VPS33A: variants seen among roughly 807,000 people sequenced by gnomAD.
VPS33A encodes the protein vacuolar protein sorting-associated protein 33A.
VPS33A carries 32 observed loss-of-function variants against 71.8 expected under a neutral mutation model. The observed-to-expected ratio is 0.45, with a 90% CI of 0.34 to 0.60. VPS33A has a LOEUF of 0.60. VPS33A is among the 20% of genes least tolerant of loss of function. The probability of loss-of-function intolerance (pLI) is 0.02; values close to 1 mark genes in which losing one functional copy is unlikely to be tolerated. For missense variants in VPS33A, 625 were observed against 748.5 expected (o/e 0.84, Z 1.92); for synonymous variants, 311 against 292.7 (o/e 1.06, Z -0.64).
intron 8 of VPS33A, 97 bp from the exon 9 acceptor site, chr12:122,240,042 A>G (rs1954692197): frequency 1.0e-6 from 1 of 959,648 alleles, no homozygotes; most frequent in Non-Finnish European, 1.6e-6. Flanking sequence ...GAAACTAGAC[A>G]TGTGGCTGGG....
intron 9 of VPS33A, among the ~76,000 whole-genome samples, 185 bp downstream of exon 9, chr12:122,239,693 T>A (rs1954684871): frequency 7.8e-6 from 1 of 128,028 alleles, no homozygotes; most frequent in Admixed American, 1.0e-4. Flanking sequence ...ATGGCGCCAC[T>A]GCACTCCAGC....
Position 122,264,158 on chromosome 12 carries a change from C to A in VPS33A, c.144G>T (p.Leu48=), listed in dbSNP as rs762651896. ...WDEYLTGPFG[L]IAQYSLLKEH... Reference sequence around the variant, plus strand: ...CCTTCAATAGTGAATACTGTGCAATCAGGCCAAAGGGTCCAGTTAGGTATT... The same window carrying A: ...CCTTCAATAGTGAATACTGTGCAATAAGGCCAAAGGGTCCAGTTAGGTATT... Residue 48 remains leucine, a synonymous_variant, in exon 2 of 13, where the codon CTG becomes CTT. Transcript: ENST00000267199. 2.6e-5 allele frequency: 40 copies of A among 1,563,024 alleles called. No individual in the cohort carries two copies. Among genetic ancestry groups the A allele is most frequent in the Non-Finnish European group, 3.4e-5 (39 of 1,145,686 alleles).
intron 1 of VPS33A, chr12:122,265,563 T>A: frequency 3.5e-6 from 1 of 285,602 alleles, no homozygotes; most frequent in Non-Finnish European, 7.5e-6. Context: ...TCAGCATCCT[T>A]TTCTGAATTG....
intron 7 of VPS33A, among the ~76,000 whole-genome samples, chr12:122,243,493 C>A (rs1856358617): frequency 1.3e-5 from 2 of 152,242 alleles, no homozygotes; most frequent in Non-Finnish European, 1.5e-5. Context: ...CCTGCCTCAG[C>A]CTCCGACAGT....
At chr12:122,239,983 A>AC in intron 8 of VPS33A, 38 bp from the exon 9 acceptor site, 6 of 1,487,496 alleles carry the variant, frequency 4.0e-6, no homozygotes, top group Non-Finnish European at 4.7e-6. Flanking sequence ...TTAGAAATTA[A>AC]ATGTTAATTT....
chr12:122,255,777 G>A (rs904573273), intron 4 of VPS33A, among the ~76,000 whole-genome samples: 1 of 148,482 alleles, frequency 6.7e-6, no homozygotes, highest in Non-Finnish European at 1.5e-5. Context: ...TGGTGCCACT[G>A]ACTTCTACTG....
In VPS33A at chr12:122,261,149, C is replaced by A; in HGVS notation, c.483+112G>T. 3 of 908,642 alleles carry A rather than the reference C, an allele frequency of 3.3e-6. No homozygotes were observed. The South Asian group carries it at 6.7e-5, about 20-fold the overall frequency. The allele number at this position is 908,642 out of a possible 1,614,324, so 56.3% of individuals were successfully genotyped here. A position where few individuals can be genotyped will look rare whatever the true frequency, so the allele number is the denominator to read the frequency against. On this transcript the variant is annotated intron_variant, in intron 4 of 12. Coordinates refer to ENST00000267199, the MANE Select transcript of VPS33A (RefSeq NM_022916.6). ...TTGTTGAACAGAAAATCTTAAACATCAATAAACATATAAAATGGGACTCAG... is the reference window on the plus strand; with the variant it reads ...TTGTTGAACAGAAAATCTTAAACATAAATAAACATATAAAATGGGACTCAG...
intron 4 of VPS33A, among the ~76,000 whole-genome samples, chr12:122,256,621 C>T (rs956071320): frequency 2.0e-5 from 3 of 151,816 alleles, no homozygotes; most frequent in East Asian, 1.9e-4. Flanking sequence ...GCAGCAGCAG[C>T]GGCACCAGCA....
Position 122,232,223 on chromosome 12 carries a change from T to C in VPS33A, c.*23A>G. 2 of 1,594,988 alleles carry C rather than the reference T, an allele frequency of 1.3e-6. No homozygotes were observed. Among genetic ancestry groups the C allele is most frequent in the South Asian group, 1.1e-5 (1 of 87,906 alleles). On this transcript the variant is annotated 3_prime_UTR_variant, in exon 13 of 13. Transcript: ENST00000267199. ...AGAGGTAGTTTATTCTGCAGTACAC[T>C]TGTTAAGTCTCCTCTGAACATCCTA... is the stretch of plus-strand genomic sequence containing the variant.
chr12:122,263,924 C>T (rs1955032692), intron 2 of VPS33A, among the ~76,000 whole-genome samples: 1 of 152,192 alleles, frequency 6.6e-6, no homozygotes, highest in Admixed American at 6.5e-5. Flanking sequence ...CTATCAAAGA[C>T]ACCAGGAAAT....
chr12:122,253,519 C>T, intron 4 of VPS33A: 1 of 147,448 alleles, frequency 6.8e-6, no homozygotes, highest in Middle Eastern at 7.0e-4. Flanking sequence ...TGCCACTGCA[C>T]TCCAGCCGGG....
chr12:122,237,565 C>G lies in VPS33A; in HGVS notation c.1302+1022G>C, dbSNP rs1400048117. Among the ~76,000 whole-genome samples, 6 of 127,970 alleles carry G rather than the reference C, an allele frequency of 4.7e-5. No homozygotes were observed. In the East Asian group the frequency reaches 1.1e-3, roughly 24 times the overall value. 84.0% of individuals were successfully genotyped at this position (127,970 alleles called of 152,430 possible). On this transcript the variant is annotated intron_variant, in intron 10 of 12. Transcript: ENST00000267199. Reference sequence around the variant, plus strand: ...TTTTTTTTTTTTTTTGAGACGGAGTCTCGCTCTGTCGCCCAGGCCGGACTG... The same window carrying G: ...TTTTTTTTTTTTTTTGAGACGGAGTGTCGCTCTGTCGCCCAGGCCGGACTG...
chr12:122,258,986 C>CAAAA (rs749562489), intron 4 of VPS33A, among the ~76,000 whole-genome samples: 1 of 53,168 alleles, frequency 1.9e-5, no homozygotes, highest in Non-Finnish European at 4.6e-5. Context: ...CAATCCATCT[C>CAAAA]AAAAAAAAAA....
chr12:122,243,163 A>G (rs1402682638), intron 7 of VPS33A, among the ~76,000 whole-genome samples: 3 of 152,172 alleles, frequency 2.0e-5, no homozygotes, highest in Non-Finnish European at 4.4e-5. Context: ...GTAAAAAACT[A>G]AGACAAAAAA....
intron 8 of VPS33A, among the ~76,000 whole-genome samples, chr12:122,240,332 G>A (rs544433227): frequency 1.3e-5 from 2 of 152,024 alleles, no homozygotes; most frequent in East Asian, 3.9e-4. Flanking sequence ...TGTCTCAAAA[G>A]AAAAGAAACC....
At chr12:122,266,072 C>G (rs957515781) in intron 1 of VPS33A, among the ~76,000 whole-genome samples, 10 of 152,232 alleles carry the variant, frequency 6.6e-5, no homozygotes, top group African/African-American at 1.9e-4. Context: ...ATCACAGTGG[C>G]TTACTCTGCT....
chr12:122,239,450 A>C (rs1410145795), intron 9 of VPS33A, among the ~76,000 whole-genome samples: 1 of 152,096 alleles, frequency 6.6e-6, no homozygotes, highest in African/African-American at 2.4e-5. Context: ...AAAAATATTT[A>C]AGTGGCCGGG....
rs766654732 is a variant in VPS33A at position 122,266,459 on chromosome 12, T to A, written c.-51A>T. 1.3e-6 allele frequency: 2 copies of A among 1,582,738 alleles called. No homozygotes were observed. The highest frequency in any genetic ancestry group is 2.7e-5 in the African/African-American group (2 of 74,168). On this transcript the variant is annotated 5_prime_UTR_variant, in exon 1 of 13. Coordinates refer to ENST00000267199, the MANE Select transcript of VPS33A (RefSeq NM_022916.6). ...AACGCCAACCGAGTCCGCCGGTTCC[T>A]ACGGGAGGACCACGGACGCAGTCAC...
At chr12:122,239,640 A>G (rs992223003) in intron 9 of VPS33A, among the ~76,000 whole-genome samples, 6 of 151,060 alleles carry the variant, frequency 4.0e-5, no homozygotes, top group Non-Finnish European at 8.9e-5. Context: ...AGGCTGAGGC[A>G]GAATGGCGTC....
Sources: gnomAD v4.1 joint callset for allele counts (sites outside exome capture counted in the v4.1 genomes callset) on GRCh38, gnomAD v4.1.1 for gene constraint, MANE v1.5 for transcripts, NCBI Gene and HGNC (gene_info 2026-07-23, HGNC 2026-07-21) for gene names.